PRKRA: variants seen among roughly 807,000 people sequenced by gnomAD.
PRKRA encodes protein activator of interferon induced protein kinase EIF2AK2, also known as interferon-inducible double-stranded RNA-dependent protein kinase activator A.
A neutral mutation model predicts 32.4 loss-of-function variants in PRKRA; 22 were observed. The observed-to-expected ratio is 0.68, with a 90% CI of 0.49 to 0.97. The LOEUF (loss-of-function observed/expected upper bound fraction) is 0.97, where lower values mean the gene tolerates loss of function less well. Among genes scored for constraint, PRKRA ranks in the 50% least tolerant of loss-of-function variants. The probability of loss-of-function intolerance (pLI) is 0.00; values close to 1 mark genes in which losing one functional copy is unlikely to be tolerated. For synonymous variants in PRKRA, 139 were observed against 129.8 expected (o/e 1.07, Z -0.48); for missense variants, 319 against 375.6 (o/e 0.85, Z 1.25).
chr2:178,439,489 CTCT>C (rs1303708833), intron 6 of PRKRA: 2 of 152,154 alleles, frequency 1.3e-5, no homozygotes, highest in Non-Finnish European at 1.5e-5. Context: ...TTGATGAATT[CTCT>C]TGTTTCTAGT....
chr2:178,442,450 A>G (rs1440921774), intron 5 of PRKRA, among the ~76,000 whole-genome samples: 1 of 152,210 alleles, frequency 6.6e-6, no homozygotes, highest in Non-Finnish European at 1.5e-5. Context: ...AGAAAGGCAC[A>G]GGGGATGGTG....
rs1235272762 is a variant in PRKRA at position 178,447,491 on chromosome 2, G to A, written c.317+14C>T. The A allele has an allele frequency of 6.9e-6, 7 of 1,021,754 alleles. No homozygotes were observed. The African/African-American group carries it at 9.6e-5, about 14-fold the overall frequency. The allele number at this position is 1,021,754 out of a possible 1,614,324, so 63.3% of individuals were successfully genotyped here. On this transcript the variant is annotated intron_variant, in intron 3 of 7. Coordinates refer to ENST00000325748, the MANE Select transcript of PRKRA (RefSeq NM_003690.5). ...ATATTTTTGAGCTGCTGAATACAAA[G>A]AAATTTAGCTCACCAAATACTTGCA...
chr2:178,443,219 C>T lies in PRKRA; in HGVS notation c.514+48G>A, dbSNP rs1553597298. 5.7e-5 allele frequency: 59 copies of T among 1,027,132 alleles called. No individual in the cohort carries two copies. The South Asian group carries it at 8.5e-4, about 15-fold the overall frequency. 63.6% of individuals were successfully genotyped at this position (1,027,132 alleles called of 1,614,324 possible). A position where few individuals can be genotyped will look rare whatever the true frequency, so the allele number is the denominator to read the frequency against. ...TACGACAGAAATTTCGATAGTCATTCATCATCTGAAAATATTTCAAATGCC... is the reference window on the plus strand; with the variant it reads ...TACGACAGAAATTTCGATAGTCATTTATCATCTGAAAATATTTCAAATGCC... On this transcript the variant is annotated intron_variant, in intron 5 of 7. Transcript: ENST00000325748.
chr2:178,450,334 T>C lies in PRKRA; in HGVS notation c.143A>G (p.Asn48Ser), dbSNP rs1477570134. 2.5e-6 allele frequency: 4 copies of C among 1,614,272 alleles called. No homozygotes were observed. Among genetic ancestry groups the C allele is most frequent in the Admixed American group, 1.7e-5 (1 of 60,028 alleles). The change falls in exon 2 of 8, where the codon AAC (asparagine) becomes AGC (serine). Residue 48 changes from asparagine (N) to serine (S), a missense_variant. Coordinates refer to ENST00000325748, the MANE Select transcript of PRKRA (RefSeq NM_003690.5). ...VLHEYGMKTK[N>S]IPVYECERSD... ...TCTTTCACATTCATAAACTGGGATG[T>C]TCTTGGTCTTCATGCCGTATTCGTG...
chr2:178,436,915 C>T (rs528975921), intron 6 of PRKRA, among the ~76,000 whole-genome samples: 6 of 152,178 alleles, frequency 3.9e-5, no homozygotes, highest in South Asian at 2.1e-4. Context: ...TTTCTTTCTG[C>T]TTTTCCTCTT....
Position 178,445,011 on chromosome 2 carries a change from G to C in PRKRA, c.318-511C>G, listed in dbSNP as rs1559357395. 3.3e-5 allele frequency among the ~76,000 whole-genome samples: 5 copies of C among 152,276 alleles called. No individual in the cohort carries two copies. In the East Asian group the frequency reaches 9.6e-4, roughly 29 times the overall value. On this transcript the variant is annotated intron_variant, in intron 3 of 7. Transcript: ENST00000325748. ...GAGTAACAATGATCCAGAAAATTTA[G>C]CCTGGCAATGTGAATAATACAGATT...
chr2:178,442,727 C>T (rs1697163257), intron 5 of PRKRA, among the ~76,000 whole-genome samples: 1 of 152,184 alleles, frequency 6.6e-6, no homozygotes, highest in African/African-American at 2.4e-5. Context: ...CAAAAACATG[C>T]CAGAGAAGTT....
rs558245636 is a variant in PRKRA, at chr2:178,443,160, A to G, written c.514+107T>C. On this transcript the variant is annotated intron_variant, in intron 5 of 7. Coordinates refer to ENST00000325748, the MANE Select transcript of PRKRA (RefSeq NM_003690.5). ...GTCAGAGACAATAAAAGAGGAGTGTATCAATTTTTCTGCATAGAAATATTT... is the reference window on the plus strand; with the variant it reads ...GTCAGAGACAATAAAAGAGGAGTGTGTCAATTTTTCTGCATAGAAATATTT... The G allele has an allele frequency of 2.2e-4, 133 of 602,520 alleles. 1 individual carries two copies. The highest frequency in any genetic ancestry group is 1.6e-3 in the South Asian group (84 of 52,754). 37.3% of individuals were successfully genotyped at this position (602,520 alleles called of 1,614,324 possible). A position where few individuals can be genotyped will look rare whatever the true frequency, so the allele number is the denominator to read the frequency against.
intron 5 of PRKRA, among the ~76,000 whole-genome samples, chr2:178,443,046 T>C (rs1375790074): frequency 6.6e-6 from 1 of 152,188 alleles, no homozygotes; most frequent in African/African-American, 2.4e-5. Context: ...TTTGTCTTTC[T>C]ATTAATAATC....
chr2:178,449,034 T>C (rs1697433102), intron 2 of PRKRA, among the ~76,000 whole-genome samples: 1 of 152,206 alleles, frequency 6.6e-6, no homozygotes. Flanking sequence ...GCTTGGGATG[T>C]AGACAGACAT....
At chr2:178,444,268 A>C (rs1263757393) in intron 4 of PRKRA, among the ~76,000 whole-genome samples, 154 bp downstream of exon 4, 1 of 152,234 alleles carries the variant, frequency 6.6e-6, no homozygotes. Flanking sequence ...TAGGAAAATA[A>C]TTTCAAGTTA....
chr2:178,451,143 C>G lies in PRKRA; in HGVS notation c.-113G>C. Reference sequence around the variant, plus strand: ...CCAGCGCCGCCACCTCCTCCGACTCCCCCGCCTCCTGCTTGCGTTGCTCCA... The same window carrying G: ...CCAGCGCCGCCACCTCCTCCGACTCGCCCGCCTCCTGCTTGCGTTGCTCCA... On this transcript the variant is annotated 5_prime_UTR_variant, in exon 1 of 8. Transcript: ENST00000325748. 2 of 1,264,246 alleles carry G rather than the reference C, an allele frequency of 1.6e-6. No individual in the cohort carries two copies. The highest frequency in any genetic ancestry group is 2.9e-5 in the South Asian group (2 of 69,352). 78.3% of individuals were successfully genotyped at this position (1,264,246 alleles called of 1,614,324 possible).
chr2:178,449,302 C>CT (rs1697447238), intron 2 of PRKRA, among the ~76,000 whole-genome samples: 1 of 152,194 alleles, frequency 6.6e-6, no homozygotes, highest in Non-Finnish European at 1.5e-5. Context: ...CACCTACAAT[C>CT]TAACTGCCTC....
intron 6 of PRKRA, 129 bp downstream of exon 6, chr2:178,441,481 T>C (rs1697111520): frequency 1.3e-6 from 1 of 794,692 alleles, no homozygotes; most frequent in Non-Finnish European, 2.1e-6. Flanking sequence ...GGGTAGGGTA[T>C]AACTGAATAA....
intron 7 of PRKRA, chr2:178,433,512 T>TG (rs1435725296): frequency 6.6e-6 from 1 of 152,220 alleles, no homozygotes; most frequent in African/African-American, 2.4e-5. Context: ...CACCAACACT[T>TG]GCTATTTTCC....
rs1559349894 is a variant in PRKRA, at chr2:178,432,106, T to C, written c.933A>G (p.Glu311=). 1 of 1,614,216 alleles carries C rather than the reference T, an allele frequency of 6.2e-7. No homozygotes were observed. The highest frequency in any genetic ancestry group is 8.5e-7 in the Non-Finnish European group (1 of 1,180,032). ...NALQYLKIIA[E]RK The stretch of plus-strand genomic sequence containing the variant: ...TTAAGTTGCTCCAGATTTACTTTCT[T>C]TCTGCTATTATCTTTAAATACTGCA... The change falls in exon 8 of 8, where the codon GAA becomes GAG. Residue 311 remains glutamate, a synonymous_variant. Coordinates refer to ENST00000325748, the MANE Select transcript of PRKRA (RefSeq NM_003690.5).
rs374483607 is a variant in PRKRA, at chr2:178,441,057, C to G, written c.609+553G>C. On this transcript the variant is annotated intron_variant, in intron 6 of 7. Coordinates refer to ENST00000325748, the MANE Select transcript of PRKRA (RefSeq NM_003690.5). ...TCTTCTCTCTGGAATTCTTTTCCCC[C>G]ATTCTACAGGTCTTGGCTTAGACAT... 7.5e-4 allele frequency among the ~76,000 whole-genome samples: 114 copies of G among 152,322 alleles called. 2 individuals are homozygous for G. In the South Asian group the frequency reaches 0.023, roughly 30 times the overall value.
At chr2:178,447,265 A>AT in intron 3 of PRKRA, 1 of 572,808 alleles carries the variant, frequency 1.7e-6, no homozygotes, top group South Asian at 2.2e-5. Context: ...GTTGTATCCC[A>AT]TTAAAAAAAA....
chr2:178,435,743 C>G (rs764298264), intron 7 of PRKRA, among the ~76,000 whole-genome samples: 1 of 152,192 alleles, frequency 6.6e-6, no homozygotes, highest in East Asian at 1.9e-4. Context: ...TCTTGCTCTA[C>G]CGCTGACTAG....
Sources: gnomAD v4.1 joint callset for allele counts (sites outside exome capture counted in the v4.1 genomes callset) on GRCh38, gnomAD v4.1.1 for gene constraint, MANE v1.5 for transcripts, NCBI Gene and HGNC (gene_info 2026-07-23, HGNC 2026-07-21) for gene names.